The following ACYP2 variants were observed in gnomAD, a reference collection of about 807,000 sequenced individuals.
ACYP2 encodes the protein acylphosphatase-2.
In ACYP2, 12 loss-of-function variants were observed where a neutral mutation model predicts 11.2. The observed-to-expected ratio is 1.08, with a 90% CI of 0.69 to 1.74. ACYP2 has a LOEUF of 1.74. ACYP2 is among the 40% of genes most tolerant of loss of function. ACYP2 has a pLI of 0.00. For missense variants in ACYP2, 134 were observed against 101.9 expected, an observed-to-expected ratio of 1.31 and a Z score of -1.35; for synonymous variants, 43 against 32.2, an observed-to-expected ratio of 1.33 and a Z score of -1.13.
At chr2:54,299,984 T>A (rs550299309) in intron 6 of ACYP2, among the ~76,000 whole-genome samples, 12 of 152,280 alleles carry the variant, frequency 7.9e-5, no homozygotes, top group African/African-American at 2.9e-4. Context: ...CTTTATTCAA[T>A]CCCTCAACTC....
At chr2:54,163,592 C>T (rs1395473379) in intron 6 of ACYP2, among the ~76,000 whole-genome samples, 1 of 152,126 alleles carries the variant, frequency 6.6e-6, no homozygotes, top group African/African-American at 2.4e-5. Flanking sequence ...CGGTGGCTCA[C>T]GCCCGTAATC....
chr2:54,201,170 A>G (rs112568635), intron 6 of ACYP2, among the ~76,000 whole-genome samples: 37,512 of 150,716 alleles, frequency 0.25, 5,032 homozygotes, highest in South Asian at 0.43. Context: ...CAGAGGCGCA[A>G]TCTCGGCTCA....
intron 6 of ACYP2, among the ~76,000 whole-genome samples, chr2:54,179,634 A>G (rs1446600524): frequency 6.6e-6 from 1 of 151,990 alleles, no homozygotes; most frequent in Non-Finnish European, 1.5e-5. Flanking sequence ...TTGCCATGGC[A>G]TTTGTAAACT....
At chr2:54,181,077 T>C (rs955094554) in intron 6 of ACYP2, among the ~76,000 whole-genome samples, 5 of 152,236 alleles carry the variant, frequency 3.3e-5, no homozygotes, top group African/African-American at 1.2e-4. Flanking sequence ...AGTGTGTTCA[T>C]TCATTGTATT....
chr2:54,259,363 G>A (rs893298919), intron 6 of ACYP2, among the ~76,000 whole-genome samples: 4 of 152,170 alleles, frequency 2.6e-5, no homozygotes, highest in African/African-American at 9.7e-5. Flanking sequence ...AAAGTCAAAG[G>A]GTTGGATGAG....
intron 6 of ACYP2, among the ~76,000 whole-genome samples, chr2:54,173,753 A>G (rs1347205475): frequency 6.6e-6 from 1 of 152,232 alleles, no homozygotes; most frequent in East Asian, 1.9e-4. Flanking sequence ...AGCTTTCTAC[A>G]TATGGCTAGC....
At chr2:54,158,050 G>C (rs1185837785) in intron 6 of ACYP2, among the ~76,000 whole-genome samples, 1 of 151,446 alleles carries the variant, frequency 6.6e-6, no homozygotes, top group Admixed American at 6.6e-5. Context: ...TTTTGAGATG[G>C]AGGCTCACTC....
intron 4 of ACYP2, among the ~76,000 whole-genome samples, chr2:54,092,208 T>C (rs1678272664): frequency 6.6e-6 from 1 of 152,074 alleles, no homozygotes. Flanking sequence ...TGGGGAACAA[T>C]GGAATAGAGC....
rs555285917 is a variant in ACYP2, at chr2:54,143,518, C to G, written c.404+4770C>G. The stretch of plus-strand genomic sequence containing the variant: ...GTACGATCTTGGCTTACTTCAACCT[C>G]TGCCTCCTGGGTTCAAGCAATTCTT... On this transcript the variant is annotated intron_variant, in intron 6 of 6. Coordinates refer to ENST00000607452, the MANE Select transcript of ACYP2 (RefSeq NM_001320586.2). 1.3e-3 allele frequency among the ~76,000 whole-genome samples: 204 copies of G among 152,208 alleles called. 2 individuals are homozygous for G. The highest frequency in any genetic ancestry group is 6.2e-3 in the East Asian group (32 of 5,150).
At chr2:53,986,257 G>A (rs747462730) in intron 2 of ACYP2, among the ~76,000 whole-genome samples, 2 of 152,014 alleles carry the variant, frequency 1.3e-5, no homozygotes, top group African/African-American at 4.8e-5. Context: ...CACCATGAGT[G>A]GAAACAGCCT....
intron 6 of ACYP2, among the ~76,000 whole-genome samples, chr2:54,172,307 G>A (rs1399472743): frequency 6.6e-6 from 1 of 152,090 alleles, no homozygotes; most frequent in Non-Finnish European, 1.5e-5. Context: ...TGCTTGCAAA[G>A]AGACAAAAGT....
intron 3 of ACYP2, chr2:54,051,842 T>C: frequency 2.1e-5 from 7 of 329,994 alleles, no homozygotes; most frequent in Non-Finnish European, 4.0e-5. Context: ...GTCAGGAGTT[T>C]GAGACCAGCC....
intron 6 of ACYP2, among the ~76,000 whole-genome samples, chr2:54,236,914 G>T (rs1232901489): frequency 6.6e-6 from 1 of 152,134 alleles, no homozygotes; most frequent in African/African-American, 2.4e-5. Context: ...TTGAAATGCA[G>T]TTGTCCCTCC....
intron 6 of ACYP2, among the ~76,000 whole-genome samples, chr2:54,152,663 T>A (rs1375288202): frequency 6.6e-6 from 1 of 152,182 alleles, no homozygotes; most frequent in African/African-American, 2.4e-5. Context: ...TATTTTCACA[T>A]TGGCTTCATT....
At chr2:54,063,899 T>C (rs1676601438) in intron 4 of ACYP2, among the ~76,000 whole-genome samples, 1 of 151,906 alleles carries the variant, frequency 6.6e-6, no homozygotes, top group East Asian at 1.9e-4. Flanking sequence ...TCAGGGGAAA[T>C]ATTTGAAGGA....
rs1418444553 is a variant in ACYP2 at position 54,158,198 on chromosome 2, T to C, written c.404+19450T>C. Among the ~76,000 whole-genome samples the C allele has an allele frequency of 1.6e-4, 6 of 36,804 alleles. No individual in the cohort carries two copies. The East Asian group carries it at 3.5e-3, about 21-fold the overall frequency. 24.1% of individuals were successfully genotyped at this position (36,804 alleles called of 152,430 possible). A position where few individuals can be genotyped will look rare whatever the true frequency, so the allele number is the denominator to read the frequency against. ...CCACCACCACGCCCAGTTAACTTTG[T>C]TTTTTTTTTTTTTTTGTATTTTTAG... is the stretch of plus-strand genomic sequence containing the variant. On this transcript the variant is annotated intron_variant, in intron 6 of 6. Transcript: ENST00000607452.
chr2:54,245,895 T>C (rs1034002968), intron 6 of ACYP2, among the ~76,000 whole-genome samples: 2 of 152,146 alleles, frequency 1.3e-5, no homozygotes, highest in Admixed American at 1.3e-4. Flanking sequence ...TTTTGTTGCC[T>C]GTGCTTTTGA....
chr2:54,241,078 A>T (rs967463120), intron 6 of ACYP2, among the ~76,000 whole-genome samples: 2 of 152,152 alleles, frequency 1.3e-5, no homozygotes, highest in African/African-American at 4.8e-5. Flanking sequence ...GACATGGCCC[A>T]AAGAGTATCA....
At chr2:53,987,201 A>G (rs1355390981) in intron 2 of ACYP2, among the ~76,000 whole-genome samples, 1 of 152,220 alleles carries the variant, frequency 6.6e-6, no homozygotes, top group Non-Finnish European at 1.5e-5. Flanking sequence ...GGAAGAGGAC[A>G]TGAAAAGGCC....
Sources: allele counts gnomAD v4.1 joint callset (sites outside exome capture counted in the v4.1 genomes callset), GRCh38; gene constraint gnomAD v4.1.1; transcripts MANE v1.5; gene names NCBI Gene and HGNC (gene_info 2026-07-23, HGNC 2026-07-21).